The following GABRA4 variants were observed in gnomAD, a reference collection of about 807,000 sequenced individuals.
GABRA4 encodes gamma-aminobutyric acid receptor subunit alpha-4.
Under a neutral mutation model 49.7 loss-of-function variants are expected in GABRA4, and 12 were observed. The ratio of observed to expected loss-of-function variants is 0.24; its 90% CI spans 0.15 to 0.39. GABRA4 has a LOEUF of 0.39. GABRA4 is among the 10% of genes least tolerant of loss of function. The probability of loss-of-function intolerance (pLI) is 1.00; values close to 1 mark genes in which losing one functional copy is unlikely to be tolerated. For synonymous variants in GABRA4, 288 were observed against 240.2 expected (o/e 1.20, Z -1.84); for missense variants, 506 against 686.0 (o/e 0.74, Z 2.93).
Position 46,963,388 on chromosome 4 carries a change from A to G in GABRA4, c.1134+1582T>C, listed in dbSNP as rs2109373007. On this transcript the variant is annotated intron_variant, in intron 8 of 8. Transcript: ENST00000264318. ...TTGTAGGAGGGACCCAGGGGGAAGT[A>G]ATTGAATCATGGGGGACAGTCTTTC... is the stretch of plus-strand genomic sequence containing the variant. Among the ~76,000 whole-genome samples, 2 of 151,882 alleles carry G rather than the reference A, an allele frequency of 1.3e-5. 1 individual carries two copies. Among genetic ancestry groups the G allele is most frequent in the South Asian group, 4.2e-4 (2 of 4,818 alleles).
intron 2 of GABRA4, among the ~76,000 whole-genome samples, chr4:46,983,874 T>G (rs1723441530): frequency 6.6e-6 from 1 of 152,064 alleles, no homozygotes; most frequent in Non-Finnish European, 1.5e-5. Context: ...GGAATATATT[T>G]TTTAATACCT....
intron 1 of GABRA4, 53 bp from the exon 2 acceptor site, chr4:46,992,999 A>G (rs1475342258): frequency 4.5e-6 from 6 of 1,341,314 alleles, no homozygotes; most frequent in Non-Finnish European, 6.4e-6. Context: ...TTAAGAATCC[A>G]TCAGAGAACA....
At chr4:46,992,802 A>G (rs1245945018) in intron 2 of GABRA4, 26 bp downstream of exon 2, 1 of 1,507,760 alleles carries the variant, frequency 6.6e-7, no homozygotes, top group African/African-American at 1.4e-5. Flanking sequence ...GACAGGACAC[A>G]CTTGCGCGTT....
rs934324067 is a variant in GABRA4 at position 46,920,605 on chromosome 4, A to G, written c.*7620T>C. On this transcript the variant is annotated 3_prime_UTR_variant, in exon 9 of 9. Coordinates refer to ENST00000264318, the MANE Select transcript of GABRA4 (RefSeq NM_000809.4). The stretch of plus-strand genomic sequence containing the variant: ...TTATCAAATTGTGTAAATCCACATT[A>G]TCTCCATATTTTACATTCTATTTTG... 1.3e-5 allele frequency: 2 copies of G among 151,758 alleles called. No individual in the cohort carries two copies. The highest frequency in any genetic ancestry group is 4.8e-5 in the African/African-American group (2 of 41,422). 9.4% of individuals were successfully genotyped at this position (151,758 alleles called of 1,614,324 possible).
At chr4:46,982,194 ATTG>A (rs1429501331) in intron 2 of GABRA4, among the ~76,000 whole-genome samples, 1 of 152,148 alleles carries the variant, frequency 6.6e-6, no homozygotes, top group Non-Finnish European at 1.5e-5. Context: ...TACATAGAGT[ATTG>A]TTATGAGCTA....
chr4:46,966,904 C>T (rs115447280), intron 7 of GABRA4, among the ~76,000 whole-genome samples: 128 of 151,790 alleles, frequency 8.4e-4, no homozygotes, highest in African/African-American at 2.9e-3. Flanking sequence ...TAAATATCTG[C>T]ATATCTATGA....
chr4:46,948,531 A>G (rs536944153), intron 8 of GABRA4, among the ~76,000 whole-genome samples: 1 of 152,118 alleles, frequency 6.6e-6, no homozygotes, highest in Non-Finnish European at 1.5e-5. Context: ...AAATAAACAT[A>G]TATAATATTT....
Position 46,965,127 on chromosome 4 carries a change from C to G in GABRA4, c.977G>C (p.Cys326Ser). 1 of 1,612,074 alleles carries G rather than the reference C, an allele frequency of 6.2e-7. No homozygotes were observed. Among genetic ancestry groups the G allele is most frequent in the Non-Finnish European group, 8.5e-7 (1 of 1,178,804 alleles). ...ATAMDWFIAV[C>S]FAFVFSALIE... The stretch of plus-strand genomic sequence containing the variant: ...AAGGGCCGAAAATACAAAAGCAAAG[C>G]AGACAGCTATGAACCAGTCCATGGC... The change falls in exon 8 of 9, where the codon TGC becomes TCC. Residue 326 changes from cysteine (C) to serine (S), a missense_variant. Coordinates refer to ENST00000264318, the MANE Select transcript of GABRA4 (RefSeq NM_000809.4).
intron 2 of GABRA4, among the ~76,000 whole-genome samples, chr4:46,989,887 A>G (rs997695991): frequency 1.3e-5 from 2 of 152,222 alleles, no homozygotes; most frequent in African/African-American, 4.8e-5. Context: ...AGAGTATCCA[A>G]TACTATAGAA....
chr4:46,950,741 A>AATTAATTAATTAATTAATT (rs376120511), intron 8 of GABRA4, among the ~76,000 whole-genome samples: 30 of 148,166 alleles, frequency 2.0e-4, no homozygotes, highest in South Asian at 4.5e-4. Context: ...ATAAATAAAT[A>AATTAATTAATTAATTAATT]AATAAATTAC....
At chr4:46,965,876 T>A (rs1248307480) in intron 7 of GABRA4, among the ~76,000 whole-genome samples, 1 of 151,830 alleles carries the variant, frequency 6.6e-6, no homozygotes, top group Non-Finnish European at 1.5e-5. Context: ...GTTATATTAC[T>A]GGACGAATAG....
At chr4:46,982,772 T>G (rs943861054) in intron 2 of GABRA4, among the ~76,000 whole-genome samples, 15 of 152,010 alleles carry the variant, frequency 9.9e-5, no homozygotes, top group African/African-American at 3.6e-4. Flanking sequence ...ACAATGGTAT[T>G]GACAATACAT....
rs1331712804 is a variant in GABRA4, at chr4:46,977,564, T to C, written c.340A>G (p.Ile114Val). Reference sequence around the variant, plus strand: ...ATATTGTTCAATCTCAAAATTTCAATGGGGCCGTCATATTTTAATCTTTTG... The same window carrying C: ...ATATTGTTCAATCTCAAAATTTCAACGGGGCCGTCATATTTTAATCTTTTG... Reference protein sequence around the residue: ...IDKRLKYDGPIEILRLNNMMV... With the variant: ...IDKRLKYDGPVEILRLNNMMV... The change falls in exon 4 of 9, where the codon ATT (isoleucine) becomes GTT (valine). Residue 114 changes from isoleucine (I) to valine (V), a missense_variant. Ile to Val is a conservative substitution (Grantham distance 29). Around this residue, in one of 5 missense-constraint regions of GABRA4, gnomAD observed 195 missense variants for 326.0 expected, o/e 0.60. Transcript: ENST00000264318. 7 of 1,613,094 alleles carry C rather than the reference T, an allele frequency of 4.3e-6. No individual in the cohort carries two copies. Among genetic ancestry groups the C allele is most frequent in the Non-Finnish European group, 5.9e-6 (7 of 1,179,502 alleles).
intron 8 of GABRA4, among the ~76,000 whole-genome samples, chr4:46,953,083 T>G (rs1722228806): frequency 6.6e-6 from 1 of 152,134 alleles, no homozygotes; most frequent in Admixed American, 6.6e-5. Flanking sequence ...ACAATTCCAA[T>G]AATATGGTAA....
chr4:46,962,039 G>A (rs1012174092), intron 8 of GABRA4, among the ~76,000 whole-genome samples: 2 of 151,836 alleles, frequency 1.3e-5, no homozygotes, highest in Admixed American at 1.3e-4. Context: ...TTTCCACATT[G>A]TCTTAGATCT....
At chr4:46,965,361 C>T (rs1412096203) in intron 7 of GABRA4, 132 bp from the exon 8 acceptor site, 1 of 658,028 alleles carries the variant, frequency 1.5e-6, no homozygotes, top group African/African-American at 1.9e-5. Context: ...CAAAGAAAAC[C>T]ATCTTTGATG....
intron 8 of GABRA4, among the ~76,000 whole-genome samples, chr4:46,943,625 T>C (rs1721888758): frequency 6.6e-6 from 1 of 151,978 alleles, no homozygotes; most frequent in Non-Finnish European, 1.5e-5. Flanking sequence ...TCCCCTTCCT[T>C]TCCCCAAACC....
intron 8 of GABRA4, among the ~76,000 whole-genome samples, chr4:46,961,587 A>G (rs1334616797): frequency 2.0e-5 from 3 of 151,916 alleles, no homozygotes; most frequent in Non-Finnish European, 2.9e-5. Context: ...TATTTGTTGA[A>G]TGAGTGAATA....
chr4:46,938,096 G>A (rs976301711), intron 8 of GABRA4, among the ~76,000 whole-genome samples: 1 of 152,068 alleles, frequency 6.6e-6, no homozygotes, highest in Non-Finnish European at 1.5e-5. Flanking sequence ...ATCCTTGAAA[G>A]TGGAGTTAAT....
Sources: allele counts gnomAD v4.1 joint callset (sites outside exome capture counted in the v4.1 genomes callset), GRCh38; gene constraint gnomAD v4.1.1; regional missense constraint gnomAD v4.1.1; transcripts MANE v1.5; gene names NCBI Gene and HGNC (gene_info 2026-07-23, HGNC 2026-07-21).